The following COX15 variants were observed in gnomAD, a reference collection of about 807,000 sequenced individuals.
The protein encoded by COX15 is heme A synthase COX15.
Under a neutral mutation model 51.9 loss-of-function variants are expected in COX15, and 51 were observed. The ratio of observed to expected loss-of-function variants is 0.98; its 90% confidence interval spans 0.78 to 1.24. The LOEUF (loss-of-function observed/expected upper bound fraction) is 1.24, where lower values mean the gene tolerates loss of function less well. Ranked by LOEUF, COX15 falls within the 50% of genes most tolerant of loss-of-function variation. The pLI, the probability that COX15 is intolerant of heterozygous loss-of-function variation, is 0.00. For synonymous variants in COX15, 188 were observed against 190.5 expected (o/e 0.99, Z 0.11); for missense variants, 420 against 501.1 (o/e 0.84, Z 1.55).
At chr10:99,716,032 T>A (rs1178424482) in intron 8 of COX15, among the ~76,000 whole-genome samples, 1 of 149,700 alleles carries the variant, frequency 6.7e-6, no homozygotes, top group East Asian at 2.0e-4. Flanking sequence ...CACTCTGTTG[T>A]CTAGGCTGGG....
chr10:99,719,380 G>C (rs1457719906), intron 6 of COX15, among the ~76,000 whole-genome samples: 1 of 151,946 alleles, frequency 6.6e-6, no homozygotes, highest in African/African-American at 2.4e-5. Flanking sequence ...CTTTGGTAGA[G>C]ACGAGGTTTC....
At chr10:99,716,692 T>A (rs1343666168) in intron 7 of COX15, 1 of 464,460 alleles carries the variant, frequency 2.2e-6, no homozygotes, top group Non-Finnish European at 4.0e-6. Context: ...CCTAAGATTC[T>A]GTATGTACTT....
chr10:99,701,067 C>T, the COX15 span: 2 of 1,608,462 alleles, frequency 1.2e-6, no homozygotes, highest in Admixed American at 3.3e-5. Context: ...AAGTAAGTTA[C>T]TTCCCTTTCC....
At position 99,711,139 on chromosome 10, in the gene COX15, T is replaced by C. The variant is rs960863957; in HGVS notation, c.*3448A>G. 16 of 984,916 alleles carry C rather than the reference T, an allele frequency of 1.6e-5. No individual in the cohort carries two copies. Among genetic ancestry groups the C allele is most frequent in the Middle Eastern group, 5.2e-4 (1 of 1,932 alleles). The allele number at this position is 984,916 out of a possible 1,614,324, so 61.0% of individuals were successfully genotyped here. On this transcript the variant is annotated 3_prime_UTR_variant, in exon 9 of 9. Coordinates refer to ENST00000016171, the MANE Select transcript of COX15 (RefSeq NM_078470.6). The stretch of plus-strand genomic sequence containing the variant: ...AAGATAATCATTCACCAGAAGCTCA[T>C]AGATATAATACAGTTATATAGCTAA...
chr10:99,706,540 G>A (rs1451767095), downstream of COX15, among the ~76,000 whole-genome samples: 1 of 151,346 alleles, frequency 6.6e-6, no homozygotes, highest in African/African-American at 2.4e-5. Flanking sequence ...AGTCTGTGTT[G>A]TCCAGGCTGG....
chr10:99,718,808 T>C (rs1416408611), intron 6 of COX15, among the ~76,000 whole-genome samples: 1 of 152,136 alleles, frequency 6.6e-6, no homozygotes, highest in Non-Finnish European at 1.5e-5. Context: ...CTTAGTGATT[T>C]TGATGCCCTC....
In COX15 at chr10:99,722,560, C is replaced by T. The variant is rs151283889; in HGVS notation, c.750+1396G>A. Among the ~76,000 whole-genome samples, 773 of 152,084 alleles carry T rather than the reference C, an allele frequency of 5.1e-3. 4 individuals are homozygous for T. The highest frequency in any genetic ancestry group is 0.017 in the South Asian group (83 of 4,820). On this transcript the variant is annotated intron_variant, in intron 5 of 8. Coordinates refer to ENST00000016171, the MANE Select transcript of COX15 (RefSeq NM_078470.6). ...TTTAGAAGTTTGGCTTTGATGGGCA[C>T]GGTGGCTCACACCTGTAATCCCAGA...
intron 8 of COX15, 131 bp from the exon 9 acceptor site, chr10:99,714,849 A>G: frequency 6.7e-7 from 1 of 1,492,352 alleles, no homozygotes; most frequent in Non-Finnish European, 9.1e-7. Context: ...ACACATTTTT[A>G]ATTTCACAAG....
At chr10:99,718,263 G>A in intron 7 of COX15, 83 bp downstream of exon 7, 1 of 1,449,296 alleles carries the variant, frequency 6.9e-7, no homozygotes, top group East Asian at 2.3e-5. Flanking sequence ...CCCTCTCAGT[G>A]TTGCCATCAG....
At chr10:99,694,836 C>G in the COX15 span, among the ~76,000 whole-genome samples, 2 of 152,160 alleles carry the variant, frequency 1.3e-5, no homozygotes, top group Non-Finnish European at 2.9e-5. Flanking sequence ...CATGCCCACC[C>G]CAGTTTTTGG....
At position 99,716,407 on chromosome 10, in the gene COX15, G is replaced by C. The variant is rs1333836850; in HGVS notation, c.1042C>G (p.Pro348Ala). 6.2e-7 allele frequency: 1 copy of C among 1,613,986 alleles called. No individual in the cohort carries two copies. The change falls in exon 8 of 9, where the codon CCC (proline) becomes GCC (alanine). Residue 348 changes from proline to alanine, a missense_variant. Pro to Ala is a conservative substitution (Grantham distance 27). Coordinates refer to ENST00000016171, the MANE Select transcript of COX15 (RefSeq NM_078470.6). ...GCCATCTTGGTCCTTCTAGGAAGGG[G>C]AATTCTCCGAGAGAGGAAGTAGAGC... is the stretch of plus-strand genomic sequence containing the variant. ...TVLYFLSRRIPLPRRTKMAAV... is the reference protein window; with the variant it reads ...TVLYFLSRRIALPRRTKMAAV...
chr10:99,727,075 C>T lies in COX15; in HGVS notation c.475G>A (p.Val159Ile), dbSNP rs2036979954. 4.3e-6 allele frequency: 7 copies of T among 1,614,178 alleles called. No individual in the cohort carries two copies. The highest frequency in any genetic ancestry group is 1.1e-5 in the South Asian group (1 of 91,086). Reference sequence around the variant, plus strand: ...GCAGGCAGGATGTACACAAGGCCTACAAGGCGACCCCACATTCGGTGTGAG... The same window carrying T: ...GCAGGCAGGATGTACACAAGGCCTATAAGGCGACCCCACATTCGGTGTGAG... ...EYSHRMWGRL[V>I]GLVYILPAAY... Residue 159 changes from valine (V) to isoleucine (I), a missense_variant, in exon 4 of 9, where the codon GTA (valine) becomes ATA (isoleucine). Val to Ile is a conservative substitution (Grantham distance 29, BLOSUM62 3). Coordinates refer to ENST00000016171, the MANE Select transcript of COX15 (RefSeq NM_078470.6).
At chr10:99,704,335 A>T in the COX15 span, 1 of 1,020,968 alleles carries the variant, frequency 9.8e-7, no homozygotes. Context: ...TGGTGTCATA[A>T]AATGTTTATG....
intron 6 of COX15, 112 bp downstream of exon 6, chr10:99,720,875 C>T: frequency 1.2e-6 from 1 of 835,236 alleles, no homozygotes; most frequent in Admixed American, 2.0e-5. Flanking sequence ...ATGAGAGAAA[C>T]AGATGTGAAA....
At chr10:99,702,434 T>A in the COX15 span, 1 of 1,264,288 alleles carries the variant, frequency 7.9e-7, no homozygotes, top group Non-Finnish European at 1.1e-6. Flanking sequence ...CTTGTGGGAA[T>A]ACGGAGTGGC....
At chr10:99,729,510 CT>C (rs772154870) in intron 2 of COX15, 42 bp downstream of exon 2, 1 of 1,530,434 alleles carries the variant, frequency 6.5e-7, no homozygotes, top group Non-Finnish European at 9.0e-7. Flanking sequence ...TGTGCTTCTA[CT>C]GATGATCCAA....
Position 99,712,367 on chromosome 10 carries a change from T to C in COX15, c.*2220A>G. The C allele has an allele frequency of 2.0e-6, 2 of 985,434 alleles. No individual in the cohort carries two copies. The highest frequency in any genetic ancestry group is 9.4e-5 in the South Asian group (2 of 21,290). 61.0% of individuals were successfully genotyped at this position (985,434 alleles called of 1,614,324 possible). ...TAAGCCTGCATAACATTTTTTAAAA[T>C]CTTGAAATTAGTTCCCAACACTTAA... On this transcript the variant is annotated 3_prime_UTR_variant, in exon 9 of 9. Transcript: ENST00000016171.
chr10:99,713,870 G>T lies in COX15; in HGVS notation c.*717C>A. On this transcript the variant is annotated 3_prime_UTR_variant, in exon 9 of 9. Transcript: ENST00000016171. ...TGTAGTCCCAGCTACTCGGGAGGCT[G>T]AGGCATGAGAATCGCTTGAACCTGG... is the stretch of plus-strand genomic sequence containing the variant. 1 of 467,714 alleles carries T rather than the reference G, an allele frequency of 2.1e-6. No homozygotes were observed. The highest frequency in any genetic ancestry group is 9.5e-5 in the East Asian group (1 of 10,524). The allele number at this position is 467,714 out of a possible 1,614,324, so 29.0% of individuals were successfully genotyped here. A position where few individuals can be genotyped will look rare whatever the true frequency, so the allele number is the denominator to read the frequency against.
At chr10:99,730,509 G>A (rs1292034187) in intron 1 of COX15, among the ~76,000 whole-genome samples, 1 of 152,050 alleles carries the variant, frequency 6.6e-6, no homozygotes, top group Non-Finnish European at 1.5e-5. Context: ...ACTTGAACCT[G>A]GGAGGCAGAG....
Sources: gnomAD v4.1 joint callset for allele counts (sites outside exome capture counted in the v4.1 genomes callset) on GRCh38, gnomAD v4.1.1 for gene constraint, MANE v1.5 for transcripts, NCBI Gene and HGNC (gene_info 2026-07-23, HGNC 2026-07-21) for gene names.